KCNH1: variants seen among roughly 807,000 people sequenced by gnomAD.
KCNH1 encodes the protein voltage-gated delayed rectifier potassium channel KCNH1.
A neutral mutation model predicts 69.2 loss-of-function variants in KCNH1; 27 were observed. The ratio of observed to expected loss-of-function variants is 0.39; its 90% confidence interval spans 0.29 to 0.54. The LOEUF is 0.54. Among genes scored for constraint, KCNH1 ranks in the 20% least tolerant of loss-of-function variants. The pLI, the probability that KCNH1 is intolerant of heterozygous loss-of-function variation, is 0.68. For synonymous variants in KCNH1, 456 were observed against 487.7 expected (o/e 0.93, Z 0.86); for missense variants, 798 against 1,261.6 (o/e 0.63, Z 5.57).
rs142289329 is a variant in KCNH1, at chr1:211,101,345, C to T, written c.310+2151G>A. 3.6e-3 allele frequency among the ~76,000 whole-genome samples: 544 copies of T among 152,242 alleles called. 5 individuals are homozygous for T. Among genetic ancestry groups the T allele is most frequent in the Middle Eastern group, 6.8e-3 (2 of 294 alleles). Reference sequence around the variant, plus strand: ...CACACACACACAGAATCCAGTGCAACTGTATAATTTCCAGGCTTAACAAAT... The same window carrying T: ...CACACACACACAGAATCCAGTGCAATTGTATAATTTCCAGGCTTAACAAAT... On this transcript the variant is annotated intron_variant, in intron 3 of 10. Coordinates refer to ENST00000271751, the MANE Select transcript of KCNH1 (RefSeq NM_172362.3).
At chr1:210,745,925 G>C (rs958309461) in intron 10 of KCNH1, among the ~76,000 whole-genome samples, 5 of 151,204 alleles carry the variant, frequency 3.3e-5, no homozygotes, top group East Asian at 3.9e-4. Flanking sequence ...TGGCACTAGA[G>C]GGGGGGTGGT....
chr1:211,006,606 C>A (rs1243907588), intron 6 of KCNH1, among the ~76,000 whole-genome samples: 2 of 152,084 alleles, frequency 1.3e-5, no homozygotes, highest in Non-Finnish European at 2.9e-5. Context: ...TATTTCTTGA[C>A]CTGGATGATG....
chr1:210,928,599 T>C (rs946628209), intron 6 of KCNH1, among the ~76,000 whole-genome samples: 3 of 152,090 alleles, frequency 2.0e-5, no homozygotes, highest in African/African-American at 7.2e-5. Context: ...GCCTTAAGTG[T>C]CTACGTCAAA....
At chr1:210,859,049 A>T in intron 7 of KCNH1, 1 of 523,668 alleles carries the variant, frequency 1.9e-6, no homozygotes. Flanking sequence ...TGTTGTTGTG[A>T]TTTTTTTTCT....
intron 6 of KCNH1, among the ~76,000 whole-genome samples, chr1:210,991,513 G>T (rs1329484701): frequency 6.6e-6 from 1 of 151,854 alleles, no homozygotes; most frequent in Non-Finnish European, 1.5e-5. Flanking sequence ...TTAGACAGGA[G>T]GAATAAGTTT....
At chr1:210,690,750 C>T (rs1024364582) in intron 10 of KCNH1, among the ~76,000 whole-genome samples, 1 of 152,162 alleles carries the variant, frequency 6.6e-6, no homozygotes, top group African/African-American at 2.4e-5. Flanking sequence ...CCCTGAGCCT[C>T]GAGGAGGGGA....
At chr1:210,860,138 C>T in intron 7 of KCNH1, 3 of 1,167,576 alleles carry the variant, frequency 2.6e-6, no homozygotes, top group Non-Finnish European at 3.9e-6. Flanking sequence ...TATATCATTT[C>T]AAGATACTTG....
intron 10 of KCNH1, among the ~76,000 whole-genome samples, chr1:210,712,714 C>T (rs776715355): frequency 6.6e-6 from 1 of 152,160 alleles, no homozygotes; most frequent in Non-Finnish European, 1.5e-5. Context: ...TTCACCTTTG[C>T]TTGCCTGAAA....
chr1:210,929,683 A>G (rs1285296131), intron 6 of KCNH1, among the ~76,000 whole-genome samples: 1 of 152,200 alleles, frequency 6.6e-6, no homozygotes, highest in Non-Finnish European at 1.5e-5. Flanking sequence ...AGCCACAGCA[A>G]TCAGACAAGA....
intron 10 of KCNH1, among the ~76,000 whole-genome samples, chr1:210,684,575 G>GTATC (rs1681367473): frequency 6.6e-6 from 1 of 152,112 alleles, no homozygotes; most frequent in African/African-American, 2.4e-5. Flanking sequence ...TACTCCATTA[G>GTATC]TATCTCTGCA....
chr1:210,765,058 A>T (rs1001755968), intron 10 of KCNH1, among the ~76,000 whole-genome samples: 1 of 152,216 alleles, frequency 6.6e-6, no homozygotes, highest in Non-Finnish European at 1.5e-5. Context: ...CTTTGCAGCA[A>T]CATAAATGCA....
At chr1:210,765,210 G>T (rs1213826105) in intron 10 of KCNH1, among the ~76,000 whole-genome samples, 1 of 152,078 alleles carries the variant, frequency 6.6e-6, no homozygotes, top group African/African-American at 2.4e-5. Flanking sequence ...TCCAAAACTG[G>T]GGGTGGGGGT....
At chr1:211,041,244 C>T (rs1274114646) in intron 5 of KCNH1, among the ~76,000 whole-genome samples, 2 of 152,322 alleles carry the variant, frequency 1.3e-5, no homozygotes. Context: ...ATCCAGTGTA[C>T]TCTTCCATCC....
At chr1:210,987,281 C>A (rs1374165963) in intron 6 of KCNH1, among the ~76,000 whole-genome samples, 2 of 152,194 alleles carry the variant, frequency 1.3e-5, no homozygotes, top group African/African-American at 4.8e-5. Flanking sequence ...CTTCTCTCAA[C>A]TCGTCAAAGC....
intron 8 of KCNH1, among the ~76,000 whole-genome samples, chr1:210,801,160 G>A (rs12122556): frequency 0.17 from 26,084 of 152,186 alleles, 2,368 homozygotes; most frequent in African/African-American, 0.23. Flanking sequence ...AGGTCACCTA[G>A]TCTTAAAATT....
At chr1:211,007,520 C>T (rs981676568) in intron 6 of KCNH1, among the ~76,000 whole-genome samples, 5 of 152,206 alleles carry the variant, frequency 3.3e-5, no homozygotes, top group African/African-American at 1.2e-4. Flanking sequence ...ATGTGGTCCT[C>T]CCGTTTCCCA....
At chr1:211,002,078 G>A (rs1689193164) in intron 6 of KCNH1, among the ~76,000 whole-genome samples, 1 of 151,808 alleles carries the variant, frequency 6.6e-6, no homozygotes, top group Admixed American at 6.6e-5. Context: ...GAGTTAATGG[G>A]TGCAGCACAC....
intron 5 of KCNH1, among the ~76,000 whole-genome samples, chr1:211,026,653 G>A (rs1470319138): frequency 6.6e-6 from 1 of 152,174 alleles, no homozygotes; most frequent in African/African-American, 2.4e-5. Context: ...AAAAGGCCCA[G>A]TAAGGAGCAT....
chr1:211,078,292 C>A (rs1690775061), intron 5 of KCNH1, among the ~76,000 whole-genome samples: 1 of 152,174 alleles, frequency 6.6e-6, no homozygotes, highest in African/African-American at 2.4e-5. Context: ...ACAGAACTCT[C>A]CACCCCAAAT....
Sources: gnomAD v4.1 joint callset for allele counts (sites outside exome capture counted in the v4.1 genomes callset) on GRCh38, gnomAD v4.1.1 for gene constraint, MANE v1.5 for transcripts, NCBI Gene and HGNC (gene_info 2026-07-23, HGNC 2026-07-21) for gene names.